The following CTNNAL1 variants were observed in gnomAD, a reference collection of about 807,000 sequenced individuals.
CTNNAL1 encodes the protein catenin alpha like 1.
CTNNAL1 carries 69 observed loss-of-function variants against 93.6 expected under a neutral mutation model. That is an observed-to-expected ratio of 0.74 (90% CI 0.61 to 0.90). CTNNAL1 has a LOEUF of 0.90. Among genes scored for constraint, CTNNAL1 ranks in the 40% least tolerant of loss-of-function variants. CTNNAL1 has a pLI of 0.00. For missense variants in CTNNAL1, 836 were observed against 862.0 expected, an observed-to-expected ratio of 0.97 and a Z score of 0.38; for synonymous variants, 286 against 305.4, an observed-to-expected ratio of 0.94 and a Z score of 0.66.
chr9:108,982,680 T>C (rs2132152832), intron 6 of CTNNAL1, among the ~76,000 whole-genome samples: 1 of 152,372 alleles, frequency 6.6e-6, no homozygotes, highest in East Asian at 1.9e-4. Flanking sequence ...AACAAGTTTG[T>C]ACAGAGTGGC....
chr9:108,958,820 G>A (rs936502877), intron 11 of CTNNAL1, among the ~76,000 whole-genome samples: 1 of 151,752 alleles, frequency 6.6e-6, no homozygotes, highest in African/African-American at 2.4e-5. Context: ...CCACCTCCTG[G>A]GTTCAAGCGA....
At chr9:109,006,357 T>C (rs1212557220) in intron 1 of CTNNAL1, among the ~76,000 whole-genome samples, 1 of 152,256 alleles carries the variant, frequency 6.6e-6, no homozygotes, top group African/African-American at 2.4e-5. Context: ...TACATACTAT[T>C]ATTACCCTAA....
intron 4 of CTNNAL1, among the ~76,000 whole-genome samples, chr9:108,989,101 T>C (rs1393799259): frequency 6.6e-6 from 1 of 152,168 alleles, no homozygotes; most frequent in Non-Finnish European, 1.5e-5. Context: ...ATCACAATAT[T>C]ACAAGAATTG....
At chr9:109,003,541 G>C (rs1020179347) in intron 1 of CTNNAL1, among the ~76,000 whole-genome samples, 5 of 152,184 alleles carry the variant, frequency 3.3e-5, no homozygotes, top group Non-Finnish European at 7.4e-5. Flanking sequence ...CCCAGGACTT[G>C]AGTCTTAATC....
At chr9:108,970,563 T>A in intron 9 of CTNNAL1, 69 bp from the exon 10 acceptor site, 1 of 1,333,420 alleles carries the variant, frequency 7.5e-7, no homozygotes, top group Non-Finnish European at 9.9e-7. Flanking sequence ...TATCATTTTA[T>A]AATTAAAAAG....
rs780195489 is a variant in CTNNAL1 at position 109,013,369 on chromosome 9, G to A, written c.74C>T (p.Ala25Val). The change falls in exon 1 of 19, where the codon GCC becomes GTC. Residue 25 changes from alanine to valine, a missense_variant. By Grantham distance (64) the Ala-to-Val change is moderately conservative (BLOSUM62 0). Transcript: ENST00000325551. The part of the protein sequence containing the change: ...AVYGSGSSGF[A>V]LDSGLEIKTR... ...TTTGATCTCCAGTCCCGAGTCGAGG[G>A]CGAAGCCCGAAGAGCCGGAGCCGTA... 4.6e-6 allele frequency: 7 copies of A among 1,513,818 alleles called. No homozygotes were observed. The highest frequency in any genetic ancestry group is 5.3e-6 in the Non-Finnish European group (6 of 1,130,932). The allele number at this position is 1,513,818 out of a possible 1,614,324, so 93.8% of individuals were successfully genotyped here. A position where few individuals can be genotyped will look rare whatever the true frequency, so the allele number is the denominator to read the frequency against.
chr9:108,952,087 T>A, intron 14 of CTNNAL1, 122 bp downstream of exon 14: 1 of 748,620 alleles, frequency 1.3e-6, no homozygotes, highest in Non-Finnish European at 2.1e-6. Flanking sequence ...GTAACTACTT[T>A]TAGTCTTTTT....
chr9:108,975,951 T>C (rs946825412), intron 8 of CTNNAL1, among the ~76,000 whole-genome samples: 2 of 152,166 alleles, frequency 1.3e-5, no homozygotes, highest in African/African-American at 4.8e-5. Context: ...AATTTTTTAT[T>C]CAGGGAACAG....
chr9:108,957,920 C>A (rs2132105744), intron 11 of CTNNAL1, among the ~76,000 whole-genome samples: 1 of 152,124 alleles, frequency 6.6e-6, no homozygotes, highest in Non-Finnish European at 1.5e-5. Context: ...GAATTCAAGA[C>A]CAGCCTGGCC....
chr9:108,944,049 G>T lies in CTNNAL1; in HGVS notation c.1885-31C>A. ...AGAAAGAGAAAACACCACTATTTTA[G>T]ACTGATGTCTATGGATAGTTGGTAA... On this transcript the variant is annotated intron_variant, in intron 15 of 18. Coordinates refer to ENST00000325551, the MANE Select transcript of CTNNAL1 (RefSeq NM_003798.4). 2.5e-6 allele frequency: 4 copies of T among 1,579,014 alleles called. No individual in the cohort carries two copies. In the South Asian group the frequency reaches 4.5e-5, roughly 18 times the overall value.
chr9:108,982,460 G>T (rs1831462230), intron 6 of CTNNAL1, among the ~76,000 whole-genome samples: 1 of 152,066 alleles, frequency 6.6e-6, no homozygotes, highest in Non-Finnish European at 1.5e-5. Context: ...AGAAAAGCAG[G>T]AATTCTAGCA....
intron 1 of CTNNAL1, among the ~76,000 whole-genome samples, chr9:108,999,804 CAAAAT>C (rs1039851645): frequency 6.6e-6 from 1 of 152,154 alleles, no homozygotes; most frequent in African/African-American, 2.4e-5. Context: ...GCATCCGACT[CAAAAT>C]AAACGAAATA....
chr9:108,984,262 A>T lies in CTNNAL1; in HGVS notation c.729+85T>A, dbSNP rs201596310. 5.7e-4 allele frequency: 425 copies of T among 747,244 alleles called. 2 individuals are homozygous for T. In the East Asian group the frequency reaches 0.01, roughly 18 times the overall value. 46.3% of individuals were successfully genotyped at this position (747,244 alleles called of 1,614,324 possible). A position where few individuals can be genotyped will look rare whatever the true frequency, so the allele number is the denominator to read the frequency against. ...CTAAGTAATCACTTTGATCTTTTTT[A>T]AAATGTAAATTATGTAAGTTAAATG... On this transcript the variant is annotated intron_variant, in intron 5 of 18. Coordinates refer to ENST00000325551, the MANE Select transcript of CTNNAL1 (RefSeq NM_003798.4).
chr9:109,003,132 G>C (rs1416153465), intron 1 of CTNNAL1, among the ~76,000 whole-genome samples: 1 of 152,158 alleles, frequency 6.6e-6, no homozygotes, highest in African/African-American at 2.4e-5. Flanking sequence ...TAAGATCTCA[G>C]AAAGGTCCAA....
At chr9:108,988,691 G>C (rs929580278) in intron 4 of CTNNAL1, among the ~76,000 whole-genome samples, 1 of 151,828 alleles carries the variant, frequency 6.6e-6, no homozygotes, top group Non-Finnish European at 1.5e-5. Context: ...ATTGGCCTTC[G>C]TGTTCTTTGA....
intron 1 of CTNNAL1, among the ~76,000 whole-genome samples, chr9:109,010,873 C>T (rs1253570120): frequency 1.3e-5 from 2 of 152,188 alleles, no homozygotes; most frequent in Admixed American, 6.5e-5. Context: ...CTGACTCATC[C>T]ATGCCTTCTC....
Position 108,952,213 on chromosome 9 carries a change from T to C in CTNNAL1, c.1831A>G (p.Thr611Ala), listed in dbSNP as rs1564122521. 6.2e-7 allele frequency: 1 copy of C among 1,606,698 alleles called. No homozygotes were observed. The highest frequency in any genetic ancestry group is 8.5e-7 in the Non-Finnish European group (1 of 1,177,080). Residue 611 changes from threonine (T) to alanine (A), a missense_variant, in exon 14 of 19, where the codon ACT becomes GCT. Transcript: ENST00000325551. ...SSMAYSLYLF[T>A]RGEGPLKTSQ... ...TAAAAATACAACTACATTTACCTAG[T>C]AAATAAATACAGAGAATAGGCCATA...
intron 14 of CTNNAL1, 47 bp downstream of exon 14, chr9:108,952,162 A>G (rs1564122487): frequency 2.0e-6 from 3 of 1,490,790 alleles, no homozygotes; most frequent in Non-Finnish European, 2.7e-6. Flanking sequence ...TCTTTACACC[A>G]GATATCATTA....
intron 8 of CTNNAL1, 31 bp from the exon 9 acceptor site, chr9:108,972,864 G>GGGGGGGCCCCCC (rs1564132976): frequency 7.3e-4 from 104 of 141,768 alleles, no homozygotes; most frequent in Middle Eastern, 1.9e-3. Context: ...GGGGGGGTGG[G>GGGGGGGCCCCCC]AGGGTGGAGA....
Sources: allele counts gnomAD v4.1 joint callset (sites outside exome capture counted in the v4.1 genomes callset), GRCh38; gene constraint gnomAD v4.1.1; transcripts MANE v1.5; gene names NCBI Gene and HGNC (gene_info 2026-07-23, HGNC 2026-07-21).